THUMPD2: variants seen among roughly 807,000 people sequenced by gnomAD.
THUMPD2 encodes the protein THUMP domain 2 tRNA and snRNA guanosine methyltransferase.
In THUMPD2, 56 loss-of-function variants were observed where a neutral mutation model predicts 49.4. The observed-to-expected ratio is 1.13, with a 90% confidence interval of 0.91 to 1.41. The LOEUF is 1.41. Ranked by LOEUF, THUMPD2 falls within the 40% of genes most tolerant of loss-of-function variation. The pLI, the probability that THUMPD2 is intolerant of heterozygous loss-of-function variation, is 0.00. For synonymous variants in THUMPD2, 237 were observed against 205.2 expected (o/e 1.15, Z -1.32); for missense variants, 709 against 594.5 (o/e 1.19, Z -2.00).
chr2:39,747,441 C>T (rs1173046860), intron 8 of THUMPD2, among the ~76,000 whole-genome samples: 4 of 152,112 alleles, frequency 2.6e-5, no homozygotes, highest in African/African-American at 4.8e-5. Flanking sequence ...GTCTTAAACA[C>T]GCAAAATGTA....
At chr2:39,743,507 G>C (rs1382162797) in intron 9 of THUMPD2, among the ~76,000 whole-genome samples, 1 of 152,168 alleles carries the variant, frequency 6.6e-6, no homozygotes, top group African/African-American at 2.4e-5. Flanking sequence ...CCCAGTGTTG[G>C]AGATGGGGCC....
intron 5 of THUMPD2, among the ~76,000 whole-genome samples, chr2:39,762,369 G>C (rs1203962187): frequency 6.6e-6 from 1 of 151,972 alleles, no homozygotes; most frequent in African/African-American, 2.4e-5. Context: ...TCACCATTTT[G>C]CCTCTCATCT....
At chr2:39,770,752 A>G (rs955073713) in intron 2 of THUMPD2, among the ~76,000 whole-genome samples, 2 of 152,082 alleles carry the variant, frequency 1.3e-5, no homozygotes, top group Non-Finnish European at 2.9e-5. Context: ...GAGGAATTAT[A>G]TTGATCCCAC....
intron 8 of THUMPD2, among the ~76,000 whole-genome samples, chr2:39,751,984 G>C (rs1572787990): frequency 6.6e-6 from 1 of 152,046 alleles, no homozygotes; most frequent in African/African-American, 2.4e-5. Context: ...CACTGCGCCT[G>C]ACTAAGATAA....
Position 39,773,325 on chromosome 2 carries a change from G to A in THUMPD2, c.127-1685C>T, listed in dbSNP as rs530577326. On this transcript the variant is annotated intron_variant, in intron 1 of 9. Coordinates refer to ENST00000505747, the MANE Select transcript of THUMPD2 (RefSeq NM_025264.5). ...TACTTTACTAAGATTCTGGGGGAAC[G>A]AACTAAATATTTTACTGAAAATGTA... 6.6e-5 allele frequency among the ~76,000 whole-genome samples: 10 copies of A among 151,912 alleles called. No homozygotes were observed. In the South Asian group the frequency reaches 1.7e-3, roughly 25 times the overall value.
At chr2:39,739,213 C>T (rs746884269) in intron 9 of THUMPD2, among the ~76,000 whole-genome samples, 3 of 152,122 alleles carry the variant, frequency 2.0e-5, no homozygotes, top group Non-Finnish European at 4.4e-5. Flanking sequence ...ATTCTAACCC[C>T]CTTACTCTGG....
intron 9 of THUMPD2, among the ~76,000 whole-genome samples, chr2:39,743,691 C>A (rs919455100): frequency 6.6e-6 from 1 of 152,196 alleles, no homozygotes; most frequent in Non-Finnish European, 1.5e-5. Context: ...CATGTGATCT[C>A]TGCACACCGG....
intron 9 of THUMPD2, among the ~76,000 whole-genome samples, chr2:39,738,182 T>C (rs1308239088): frequency 1.3e-5 from 2 of 152,062 alleles, no homozygotes; most frequent in African/African-American, 2.4e-5. Flanking sequence ...ACCCATGAAG[T>C]AGACATCCTC....
At position 39,761,329 on chromosome 2, in the gene THUMPD2, A is replaced by C; in HGVS notation, c.891+2T>G. 2 of 1,613,538 alleles carry C rather than the reference A, an allele frequency of 1.2e-6. No homozygotes were observed. Among genetic ancestry groups the C allele is most frequent in the Non-Finnish European group, 1.7e-6 (2 of 1,179,562 alleles). ...TAACAGGAAGGAAAACATTTTTCTTACCTTAATGTCAGCCAGAGATGCCAT... is the reference window on the plus strand; with the variant it reads ...TAACAGGAAGGAAAACATTTTTCTTCCCTTAATGTCAGCCAGAGATGCCAT... On this transcript the variant is annotated splice_donor_variant, in intron 6 of 9. Transcript: ENST00000505747. LOFTEE classifies it high-confidence loss of function.
At chr2:39,749,280 A>T (rs191572427) in intron 8 of THUMPD2, among the ~76,000 whole-genome samples, 1 of 152,354 alleles carries the variant, frequency 6.6e-6, no homozygotes, top group East Asian at 1.9e-4. Context: ...AGTAAAAAAG[A>T]AACAAAGCTA....
intron 5 of THUMPD2, among the ~76,000 whole-genome samples, chr2:39,765,204 C>A (rs533726615): frequency 1.3e-5 from 2 of 152,108 alleles, no homozygotes; most frequent in African/African-American, 4.8e-5. Context: ...CTGTCACCCA[C>A]GCTGGAGTGC....
chr2:39,757,232 G>T, intron 6 of THUMPD2: 1 of 471,802 alleles, frequency 2.1e-6, no homozygotes, highest in Non-Finnish European at 4.1e-6. Context: ...GCAAGGAGGA[G>T]CAAGCAGGAA....
intron 3 of THUMPD2, chr2:39,768,832 A>G (rs1677899933): frequency 8.8e-7 from 1 of 1,138,740 alleles, no homozygotes; most frequent in Non-Finnish European, 1.2e-6. Flanking sequence ...GCAAGCTGAA[A>G]GATTAACTAT....
chr2:39,775,171 C>CA (rs1226589936), intron 1 of THUMPD2, among the ~76,000 whole-genome samples: 1 of 151,946 alleles, frequency 6.6e-6, no homozygotes, highest in Non-Finnish European at 1.5e-5. Context: ...AGAGGCTACT[C>CA]AGAAGGGTAA....
intron 8 of THUMPD2, among the ~76,000 whole-genome samples, chr2:39,744,915 TAA>T (rs1318527635): frequency 2.6e-5 from 4 of 152,124 alleles, no homozygotes. Flanking sequence ...ATTGTATTTT[TAA>T]AAGAGAATTT....
chr2:39,752,315 G>T (rs1241233745), intron 8 of THUMPD2, among the ~76,000 whole-genome samples: 1 of 152,128 alleles, frequency 6.6e-6, no homozygotes, highest in Non-Finnish European at 1.5e-5. Flanking sequence ...TTTTTCTGCT[G>T]AAGGCCATAC....
intron 5 of THUMPD2, 32 bp downstream of exon 5, chr2:39,766,025 T>C (rs1677464618): frequency 1.3e-6 from 2 of 1,548,706 alleles, no homozygotes; most frequent in Non-Finnish European, 1.7e-6. Flanking sequence ...CCATCTGTCT[T>C]ATGGGACAAA....
rs747625983 is a variant in THUMPD2 at position 39,761,428 on chromosome 2, A to G, written c.804-10T>C. 2.5e-6 allele frequency: 4 copies of G among 1,610,792 alleles called. No individual in the cohort carries two copies. The East Asian group carries it at 6.7e-5, about 27-fold the overall frequency. Reference sequence around the variant, plus strand: ...GCTGGCTAGGGAAACCCTACAAAGGATAGAATCTGATTATATATTATTACA... The same window carrying G: ...GCTGGCTAGGGAAACCCTACAAAGGGTAGAATCTGATTATATATTATTACA... On this transcript the variant is annotated splice_polypyrimidine_tract_variant and intron_variant, in intron 5 of 9. Coordinates refer to ENST00000505747, the MANE Select transcript of THUMPD2 (RefSeq NM_025264.5).
chr2:39,750,612 C>A (rs1558501458), intron 8 of THUMPD2, among the ~76,000 whole-genome samples: 1 of 151,992 alleles, frequency 6.6e-6, no homozygotes, highest in Non-Finnish European at 1.5e-5. Context: ...GAGGCTGAGG[C>A]AGGAGAACTG....
Sources: gnomAD v4.1 joint callset for allele counts (sites outside exome capture counted in the v4.1 genomes callset) on GRCh38, gnomAD v4.1.1 for gene constraint, MANE v1.5 for transcripts, NCBI Gene and HGNC (gene_info 2026-07-23, HGNC 2026-07-21) for gene names.